The following ARHGAP23 variants were observed in gnomAD, a reference collection of about 807,000 sequenced individuals.
ARHGAP23 encodes the protein Rho GTPase activating protein 23, also known as rho GTPase-activating protein 23.
In ARHGAP23, 34 loss-of-function variants were observed where a neutral mutation model predicts 136.3. The ratio of observed to expected loss-of-function variants is 0.25; its 90% CI spans 0.19 to 0.33. The LOEUF is 0.33. Ranked by LOEUF, ARHGAP23 falls within the 10% of genes least tolerant of loss-of-function variation. ARHGAP23 has a pLI of 1.00. For missense variants in ARHGAP23, 1,808 were observed against 2,139.0 expected, an observed-to-expected ratio of 0.85 and a Z score of 3.05; for synonymous variants, 832 against 920.5, an observed-to-expected ratio of 0.90 and a Z score of 1.74.
rs1303310187 is a variant in ARHGAP23 at position 38,435,264 on chromosome 17, G to A, written c.63+6716G>A. On this transcript the variant is annotated intron_variant, in intron 1 of 23. Transcript: ENST00000622683. The stretch of plus-strand genomic sequence containing the variant: ...TCAGCTACTCGGGAGGCTGAGACAG[G>A]AGGATTGCTTGAGAGGATGGATGCC... Among the ~76,000 whole-genome samples the A allele has an allele frequency of 5.3e-5, 8 of 151,058 alleles. No homozygotes were observed. In the South Asian group the frequency reaches 1.7e-3, roughly 31 times the overall value.
rs977943357 is a variant in ARHGAP23, at chr17:38,469,270, C to A, written c.1775C>A (p.Thr592Asn). 1.0e-5 allele frequency: 16 copies of A among 1,551,476 alleles called. No homozygotes were observed. The highest frequency in any genetic ancestry group is 2.4e-5 in the South Asian group (2 of 84,042). The change falls in exon 8 of 24, where the codon ACC becomes AAC. Residue 592 changes from threonine to asparagine, a missense_variant. Coordinates refer to ENST00000622683, the MANE Select transcript of ARHGAP23 (RefSeq NM_001199417.2). ...CCATCTTCCCCGACCTTCACTTTCA[C>A]CCTCGGACGCCATTACTCGCAGGAC... ...TSPSSPTFTF[T>N]LGRHYSQDCS...
intron 1 of ARHGAP23, among the ~76,000 whole-genome samples, chr17:38,453,286 A>G (rs1841066558): frequency 6.6e-6 from 1 of 150,446 alleles, no homozygotes. Context: ...ACATAGGGTG[A>G]GTGTGTGTGG....
chr17:38,487,558 A>T (rs554720763), intron 17 of ARHGAP23, among the ~76,000 whole-genome samples: 1 of 152,144 alleles, frequency 6.6e-6, no homozygotes, highest in Admixed American at 6.5e-5. Flanking sequence ...ACAGCATTGG[A>T]TATTATAACT....
chr17:38,485,801 C>T (rs1463737574), intron 16 of ARHGAP23, among the ~76,000 whole-genome samples: 1 of 152,210 alleles, frequency 6.6e-6, no homozygotes, highest in Non-Finnish European at 1.5e-5. Flanking sequence ...CCCACAGTGC[C>T]TGGGACTTTC....
At position 38,469,628 on chromosome 17, in the gene ARHGAP23, G is replaced by A; in HGVS notation, c.1909G>A (p.Val637Ile). ...GLNTFRDEGR[V>I]LRRLPNRIPS... Reference sequence around the variant, plus strand: ...CAACACCTTCCGCGACGAGGGCCGGGTTCTGCGGTGAGGCCCTGTCCGGAC... The same window carrying A: ...CAACACCTTCCGCGACGAGGGCCGGATTCTGCGGTGAGGCCCTGTCCGGAC... Residue 637 changes from valine (V) to isoleucine (I), a missense_variant, in exon 9 of 24, where the codon GTT becomes ATT. By Grantham distance (29) the Val-to-Ile change is conservative. Around this residue, in one of 7 missense-constraint regions of ARHGAP23, gnomAD observed 859 missense variants for 936.4 expected, o/e 0.92. Coordinates refer to ENST00000622683, the MANE Select transcript of ARHGAP23 (RefSeq NM_001199417.2). 1 of 1,548,744 alleles carries A rather than the reference G, an allele frequency of 6.5e-7. No individual in the cohort carries two copies. The highest frequency in any genetic ancestry group is 8.7e-7 in the Non-Finnish European group (1 of 1,146,680).
chr17:38,434,947 G>C (rs6503616), intron 1 of ARHGAP23, among the ~76,000 whole-genome samples: 26,465 of 152,150 alleles, frequency 0.17, 7,232 homozygotes, highest in African/African-American at 0.58. Flanking sequence ...CCCACCTCCC[G>C]CATAGAGTCT....
chr17:38,447,871 C>T (rs2039070643), intron 1 of ARHGAP23, among the ~76,000 whole-genome samples: 1 of 152,248 alleles, frequency 6.6e-6, no homozygotes, highest in South Asian at 2.1e-4. Flanking sequence ...CTGGTGTTTA[C>T]TTTGTGGCTG....
intron 3 of ARHGAP23, among the ~76,000 whole-genome samples, chr17:38,461,308 G>A (rs2144621363): frequency 6.6e-6 from 1 of 152,326 alleles, no homozygotes; most frequent in African/African-American, 2.4e-5. Context: ...CTGGTGGTGG[G>A]AGCGCTGAGC....
intron 23 of ARHGAP23, among the ~76,000 whole-genome samples, chr17:38,505,730 A>C (rs2040620294): frequency 6.6e-6 from 1 of 152,112 alleles, no homozygotes; most frequent in Non-Finnish European, 1.5e-5. Context: ...GGAATTTGAG[A>C]CCAGCCTGGC....
In ARHGAP23 at chr17:38,478,628, C is replaced by G. The variant is rs559887769; in HGVS notation, c.2436+732C>G. Reference sequence around the variant, plus strand: ...GTTTCACTGTGTTAGCCAGGATGGTCTTGATCTCCTGACCTCGTGATCCTC... The same window carrying G: ...GTTTCACTGTGTTAGCCAGGATGGTGTTGATCTCCTGACCTCGTGATCCTC... On this transcript the variant is annotated intron_variant, in intron 12 of 23. Coordinates refer to ENST00000622683, the MANE Select transcript of ARHGAP23 (RefSeq NM_001199417.2). Among the ~76,000 whole-genome samples the G allele has an allele frequency of 3.3e-5, 5 of 152,196 alleles. No individual in the cohort carries two copies. In the South Asian group the frequency reaches 1.0e-3, roughly 32 times the overall value.
At chr17:38,487,889 C>G (rs1452336697) in intron 17 of ARHGAP23, among the ~76,000 whole-genome samples, 5 of 151,710 alleles carry the variant, frequency 3.3e-5, no homozygotes. Context: ...ATAAATAATA[C>G]AATAAAATAA....
intron 1 of ARHGAP23, among the ~76,000 whole-genome samples, chr17:38,438,341 A>C (rs1039829644): frequency 6.8e-6 from 1 of 147,042 alleles, no homozygotes; most frequent in Non-Finnish European, 1.5e-5. Flanking sequence ...AAAAAAAAAA[A>C]GATGTTTGTT....
chr17:38,479,624 G>A (rs2039982307), intron 13 of ARHGAP23, 127 bp downstream of exon 13: 1 of 1,418,346 alleles, frequency 7.1e-7, no homozygotes, highest in South Asian at 1.3e-5. Flanking sequence ...AGGGTCTCCA[G>A]GCTGCAGTTA....
At position 38,510,578 on chromosome 17, in the gene ARHGAP23, C is replaced by T; in HGVS notation, c.4082C>T (p.Ala1361Val). 7.9e-7 allele frequency: 1 copy of T among 1,258,748 alleles called. No individual in the cohort carries two copies. Among genetic ancestry groups the T allele is most frequent in the Non-Finnish European group, 1.0e-6 (1 of 1,003,402 alleles). 78.0% of individuals were successfully genotyped at this position (1,258,748 alleles called of 1,614,324 possible). A position where few individuals can be genotyped will look rare whatever the true frequency, so the allele number is the denominator to read the frequency against. ...GAGTCGCTGCGGCCCCCGGCGGCGG[C>T]GCTGGCCTCCCGGCCCTCGCGCATG... ...SQESLRPPAA[A>V]LASRPSRMEA... is the part of the protein sequence containing the mutation. Residue 1361 changes from alanine to valine, a missense_variant, in exon 24 of 24, where the codon GCG (alanine) becomes GTG (valine). Physicochemically the swap from Ala to Val is moderately conservative, Grantham distance 64. Around this residue, in one of 7 missense-constraint regions of ARHGAP23, gnomAD observed 506 missense variants for 455.8 expected, o/e 1.11. Coordinates refer to ENST00000622683, the MANE Select transcript of ARHGAP23 (RefSeq NM_001199417.2). The surrounding 1 kb of genome is among the most constrained non-coding windows in gnomAD (Gnocchi z 4.6).
chr17:38,480,322 T>C (rs28583864), intron 14 of ARHGAP23, among the ~76,000 whole-genome samples: 45,763 of 151,968 alleles, frequency 0.3, 7,266 homozygotes, highest in East Asian at 0.36. Context: ...ACCAACATGG[T>C]GAAACCCCAA....
intron 1 of ARHGAP23, among the ~76,000 whole-genome samples, chr17:38,420,550 G>T (rs1319723729): frequency 6.6e-6 from 1 of 152,174 alleles, no homozygotes; most frequent in African/African-American, 2.4e-5. Context: ...TGTGATGGTG[G>T]TGAGGAGAGG....
chr17:38,423,664 C>T (rs967843675), upstream of ARHGAP23, among the ~76,000 whole-genome samples: 5 of 152,062 alleles, frequency 3.3e-5, no homozygotes, highest in South Asian at 4.2e-4. Flanking sequence ...TGAGCCACCG[C>T]GCCTGGCCAA....
At chr17:38,475,176 C>G (rs1765372472) in intron 11 of ARHGAP23, among the ~76,000 whole-genome samples, 3 of 152,364 alleles carry the variant, frequency 2.0e-5, no homozygotes, top group Admixed American at 6.5e-5. Flanking sequence ...CCTCTCTGTG[C>G]TCCCTCCCAG....
chr17:38,420,417 C>G (rs2038509124), intron 1 of ARHGAP23, among the ~76,000 whole-genome samples: 1 of 152,224 alleles, frequency 6.6e-6, no homozygotes, highest in Admixed American at 6.5e-5. Context: ...CCTTCTTTTC[C>G]TGGCCCAAGT....
Sources: allele counts gnomAD v4.1 joint callset (sites outside exome capture counted in the v4.1 genomes callset), GRCh38; gene constraint gnomAD v4.1.1; regional missense constraint gnomAD v4.1.1; non-coding constraint Gnocchi (gnomAD v3.1); transcripts MANE v1.5; gene names NCBI Gene and HGNC (gene_info 2026-07-23, HGNC 2026-07-21).